The following SULT6B1 variants were observed in gnomAD, a reference collection of about 807,000 sequenced individuals.
The protein encoded by SULT6B1 is sulfotransferase 6B1.
SULT6B1 carries 44 observed loss-of-function variants against 37.2 expected under a neutral mutation model. The observed-to-expected ratio is 1.18, with a 90% CI of 0.93 to 1.52. The LOEUF is 1.52. Among genes scored for constraint, SULT6B1 ranks in the 40% most tolerant of loss-of-function variants. The probability of loss-of-function intolerance (pLI) is 0.00; values close to 1 mark genes in which losing one functional copy is unlikely to be tolerated. For synonymous variants in SULT6B1, 140 were observed against 126.0 expected (o/e 1.11, Z -0.74); for missense variants, 450 against 361.0 (o/e 1.25, Z -2.00).
In SULT6B1 at chr2:37,169,605, C is replaced by A. The variant is rs138571717; in HGVS notation, c.782-1540G>T. 1.5e-3 allele frequency among the ~76,000 whole-genome samples: 221 copies of A among 152,264 alleles called. 1 individual carries two copies. Among genetic ancestry groups the A allele is most frequent in the African/African-American group, 5.1e-3 (211 of 41,544 alleles). On this transcript the variant is annotated intron_variant, in intron 6 of 6. Transcript: ENST00000535679. ...CCCAGGTTCAAGCAGTTCTCTGACT[C>A]AGCCTCCCAAGTAGCTGGAATTACA... is the stretch of plus-strand genomic sequence containing the variant.
rs1197904508 is a variant in SULT6B1, at chr2:37,167,953, T to C, written c.894A>G (p.Glu298=). Residue 298 remains glutamate (E), a synonymous_variant, in exon 7 of 7, where the codon GAA becomes GAG. Coordinates refer to ENST00000535679, the MANE Select transcript of SULT6B1 (RefSeq NM_001367551.1). ...GTSLGAKLKY[E]SYCQG ...ACTGGAATCAACCCTGGCAATATGA[T>C]TCATACTTCAACTTTGCTCCGAGGG... 6.3e-7 allele frequency: 1 copy of C among 1,595,228 alleles called. No individual in the cohort carries two copies. The highest frequency in any genetic ancestry group is 1.9e-5 in the Admixed American group (1 of 53,748).
chr2:37,177,428 A>G (rs1032856184), intron 4 of SULT6B1, among the ~76,000 whole-genome samples: 3 of 146,634 alleles, frequency 2.0e-5, no homozygotes, highest in African/African-American at 7.4e-5. Context: ...AAAAAAAAAA[A>G]AAAAAGAAAG....
At chr2:37,171,687 T>C (rs759097477) in intron 5 of SULT6B1, 97 bp from the exon 6 acceptor site, 9 of 1,144,650 alleles carry the variant, frequency 7.9e-6, no homozygotes, top group South Asian at 1.6e-5. Flanking sequence ...TCAGCCTAAC[T>C]CCCTAGTTCA....
chr2:37,169,710 G>A (rs1469650069), intron 6 of SULT6B1, among the ~76,000 whole-genome samples: 2 of 152,122 alleles, frequency 1.3e-5, no homozygotes, highest in Admixed American at 6.6e-5. Context: ...CGCCAGGCTG[G>A]TCTTGAACTC....
chr2:37,187,370 A>G lies in SULT6B1; in HGVS notation c.297T>C (p.Asp99=). The part of the protein sequence containing the change: ...YPEFPVLECG[D]SEKYQRMKGF... ...TTGTACTAACCTGATATTTTTCTGA[A>G]TCCCCACATTCAAGAACTGGGAATT... The change falls in exon 2 of 7, where the codon GAT becomes GAC. Residue 99 remains aspartate (D), a synonymous_variant. Transcript: ENST00000535679. 1 of 1,597,782 alleles carries G rather than the reference A, an allele frequency of 6.3e-7. No individual in the cohort carries two copies. Among genetic ancestry groups the G allele is most frequent in the East Asian group, 2.2e-5 (1 of 44,662 alleles).
intron 2 of SULT6B1, among the ~76,000 whole-genome samples, chr2:37,185,422 TA>T (rs1558450837): frequency 6.6e-6 from 1 of 152,008 alleles, no homozygotes; most frequent in Non-Finnish European, 1.5e-5. Context: ...CATTTAAAAT[TA>T]AAGGGCATAT....
chr2:37,194,093 TGAAA>T (rs1676842314), intron 1 of SULT6B1, among the ~76,000 whole-genome samples: 1 of 152,206 alleles, frequency 6.6e-6, no homozygotes, highest in Admixed American at 6.5e-5. Context: ...TGTTTTTTCG[TGAAA>T]GAAATTTTAT....
intron 6 of SULT6B1, among the ~76,000 whole-genome samples, chr2:37,168,908 A>C (rs989415813): frequency 2.6e-5 from 4 of 152,224 alleles, no homozygotes; most frequent in African/African-American, 9.6e-5. Context: ...TAAAGAGTTT[A>C]ATGACATGAA....
chr2:37,174,341 C>A (rs1232554514), intron 5 of SULT6B1, among the ~76,000 whole-genome samples: 1 of 149,146 alleles, frequency 6.7e-6, no homozygotes, highest in Non-Finnish European at 1.5e-5. Flanking sequence ...CTCAAGTGAT[C>A]CTCCTGTCTC....
upstream of SULT6B1, among the ~76,000 whole-genome samples, chr2:37,193,639 G>T (rs993874996): frequency 2.7e-5 from 4 of 150,928 alleles, no homozygotes; most frequent in East Asian, 4.0e-4. Flanking sequence ...AGAAGAAGAA[G>T]AAGAAGAAGA....
At chr2:37,190,235 A>G (rs980699323), upstream of SULT6B1, among the ~76,000 whole-genome samples, 9 of 152,168 alleles carry the variant, frequency 5.9e-5, no homozygotes, top group East Asian at 1.9e-4. Context: ...TGTAGACTGT[A>G]TATTTCTTCT....
At chr2:37,171,779 A>G (rs1330880141) in intron 5 of SULT6B1, among the ~76,000 whole-genome samples, 189 bp from the exon 6 acceptor site, 4 of 152,110 alleles carry the variant, frequency 2.6e-5, no homozygotes, top group Non-Finnish European at 5.9e-5. Flanking sequence ...TTCTGTATTG[A>G]TTATACTTTG....
intron 2 of SULT6B1, among the ~76,000 whole-genome samples, chr2:37,185,346 T>C (rs1431370340): frequency 6.6e-6 from 1 of 152,054 alleles, no homozygotes; most frequent in Non-Finnish European, 1.5e-5. Flanking sequence ...TAAGGAAAAA[T>C]ATGTACTCCA....
chr2:37,185,443 G>A (rs577352522), intron 2 of SULT6B1, among the ~76,000 whole-genome samples: 21 of 152,186 alleles, frequency 1.4e-4, no homozygotes, highest in African/African-American at 4.8e-4. Context: ...TTGGCCAGGC[G>A]TGGTGGCTCA....
Position 37,188,644 on chromosome 2 carries a change from G to T in SULT6B1, c.-4C>A. The T allele has an allele frequency of 9.1e-7, 1 of 1,101,878 alleles. No individual in the cohort carries two copies. The highest frequency in any genetic ancestry group is 1.4e-6 in the Non-Finnish European group (1 of 733,272). The allele number at this position is 1,101,878 out of a possible 1,614,324, so 68.3% of individuals were successfully genotyped here. Reference sequence around the variant, plus strand: ...TAAATTTGGATTTATCAGCCATGGTGGCTCCCTGTAAAAGAACCTGCTCTG... The same window carrying T: ...TAAATTTGGATTTATCAGCCATGGTTGCTCCCTGTAAAAGAACCTGCTCTG... On this transcript the variant is annotated 5_prime_UTR_variant, in exon 1 of 7. Coordinates refer to ENST00000535679, the MANE Select transcript of SULT6B1 (RefSeq NM_001367551.1).
chr2:37,193,118 G>C (rs1340629152), upstream of SULT6B1, among the ~76,000 whole-genome samples: 1 of 152,094 alleles, frequency 6.6e-6, no homozygotes, highest in African/African-American at 2.4e-5. Context: ...GCCAGCTGTG[G>C]CCTGGCTCAA....
At chr2:37,187,603 G>T in intron 1 of SULT6B1, 136 bp from the exon 2 acceptor site, 1 of 480,100 alleles carries the variant, frequency 2.1e-6, no homozygotes, top group Non-Finnish European at 3.6e-6. Flanking sequence ...TTCTGTCTTT[G>T]AAATAACTTG....
intron 2 of SULT6B1, among the ~76,000 whole-genome samples, chr2:37,185,285 A>G (rs1676646997): frequency 6.6e-6 from 1 of 152,208 alleles, no homozygotes; most frequent in Non-Finnish European, 1.5e-5. Context: ...TACTATGTTC[A>G]CTAAAATATG....
chr2:37,180,460 C>A (rs1249034579), intron 3 of SULT6B1, among the ~76,000 whole-genome samples: 1 of 152,196 alleles, frequency 6.6e-6, no homozygotes, highest in Non-Finnish European at 1.5e-5. Flanking sequence ...AACATGGACC[C>A]TCTAAGAACA....
Sources: allele counts gnomAD v4.1 joint callset (sites outside exome capture counted in the v4.1 genomes callset), GRCh38; gene constraint gnomAD v4.1.1; transcripts MANE v1.5; gene names NCBI Gene and HGNC (gene_info 2026-07-23, HGNC 2026-07-21).